Variants in CELF2 observed in about 807,000 individuals in gnomAD.
The protein encoded by CELF2 is CUGBP Elav-like family member 2.
A neutral mutation model predicts 62.6 loss-of-function variants in CELF2; 8 were observed. The observed-to-expected ratio is 0.13, with a 90% CI of 0.07 to 0.23. The LOEUF is 0.23. Ranked by LOEUF, CELF2 falls within the 10% of genes least tolerant of loss-of-function variation. The pLI, the probability that CELF2 is intolerant of heterozygous loss-of-function variation, is 1.00. For missense variants in CELF2, 333 were observed against 671.0 expected (o/e 0.50, Z 5.56); for synonymous variants, 258 against 250.0 (o/e 1.03, Z -0.30).
chr10:10,565,767 G>T, the CELF2 span, among the ~76,000 whole-genome samples: 17 of 152,174 alleles, frequency 1.1e-4, no homozygotes, highest in Non-Finnish European at 1.9e-4. Flanking sequence ...GAGCCTATTT[G>T]TGTGATCATT....
the CELF2 span, among the ~76,000 whole-genome samples, chr10:10,632,534 C>A: frequency 6.6e-6 from 1 of 152,148 alleles, no homozygotes; most frequent in African/African-American, 2.4e-5. Context: ...GCTCTGTCAT[C>A]TGACAATTAG....
intron 1 of CELF2, among the ~76,000 whole-genome samples, chr10:11,094,689 A>G (rs1055135096): frequency 2.6e-5 from 4 of 152,202 alleles, no homozygotes; most frequent in Non-Finnish European, 5.9e-5. Context: ...ACTCTGGGAA[A>G]AAGACTGCCC....
At chr10:10,796,597 C>T (rs769616293), upstream of CELF2, among the ~76,000 whole-genome samples, 36 of 152,162 alleles carry the variant, frequency 2.4e-4, 1 homozygote, top group Admixed American at 7.9e-4. Context: ...TCCCTGGTGC[C>T]GTGGGCTAAG....
chr10:11,037,843 T>G (rs548797603), intron 1 of CELF2, among the ~76,000 whole-genome samples: 67 of 152,240 alleles, frequency 4.4e-4, no homozygotes, highest in Non-Finnish European at 7.2e-4. Context: ...GTCCTATGAT[T>G]TTAAATTTAA....
chr10:10,866,324 T>C (rs1444622354), intron 1 of CELF2, among the ~76,000 whole-genome samples: 2 of 151,244 alleles, frequency 1.3e-5, no homozygotes, highest in Admixed American at 1.3e-4. Context: ...AAGAAATCAC[T>C]TACTGTGCCA....
chr10:11,140,116 G>A (rs2061086689), intron 1 of CELF2, among the ~76,000 whole-genome samples: 1 of 152,030 alleles, frequency 6.6e-6, no homozygotes, highest in Non-Finnish European at 1.5e-5. Context: ...CAGTTAGTCA[G>A]AAGTACCTAA....
chr10:10,582,903 GT>G, the CELF2 span, among the ~76,000 whole-genome samples: 1 of 152,152 alleles, frequency 6.6e-6, no homozygotes, highest in African/African-American at 2.4e-5. Context: ...GGAAGTGATG[GT>G]TTCTTTCTAT....
chr10:10,510,791 C>T, the CELF2 span, among the ~76,000 whole-genome samples: 2 of 152,166 alleles, frequency 1.3e-5, no homozygotes, highest in African/African-American at 2.4e-5. Context: ...ATGACATCCA[C>T]GAAGGTGATC....
chr10:10,885,844 T>C (rs2061716290), intron 1 of CELF2, among the ~76,000 whole-genome samples: 1 of 152,184 alleles, frequency 6.6e-6, no homozygotes, highest in Admixed American at 6.5e-5. Context: ...TGACCTCTGC[T>C]TCCCATCTCC....
chr10:11,020,177 C>T (rs1593263926), intron 1 of CELF2, among the ~76,000 whole-genome samples: 1 of 152,242 alleles, frequency 6.6e-6, no homozygotes, highest in Admixed American at 6.5e-5. Flanking sequence ...GTGACTTCCA[C>T]CTCACTTCTC....
At chr10:11,201,312 AC>A (rs2059160354) in intron 2 of CELF2, among the ~76,000 whole-genome samples, 1 of 152,190 alleles carries the variant, frequency 6.6e-6, no homozygotes, top group African/African-American at 2.4e-5. Context: ...GGACTTTTAA[AC>A]ACAGAACCCT....
At chr10:11,120,467 G>C (rs1050767601) in intron 1 of CELF2, among the ~76,000 whole-genome samples, 1 of 152,162 alleles carries the variant, frequency 6.6e-6, no homozygotes. Context: ...GAGAGCATAA[G>C]ATTTCAAGCT....
chr10:11,067,311 T>C (rs926195662), intron 1 of CELF2, among the ~76,000 whole-genome samples: 3 of 152,244 alleles, frequency 2.0e-5, no homozygotes, highest in African/African-American at 7.2e-5. Context: ...AGCATTCTGA[T>C]AGCCAGTGGA....
chr10:10,503,144 G>A, the CELF2 span, among the ~76,000 whole-genome samples: 37 of 151,954 alleles, frequency 2.4e-4, no homozygotes, highest in African/African-American at 7.7e-4. Flanking sequence ...TTATCCATAG[G>A]ATATTAACCA....
the CELF2 span, among the ~76,000 whole-genome samples, chr10:10,767,997 A>G: frequency 1.2e-5 from 1 of 85,226 alleles, no homozygotes; most frequent in Non-Finnish European, 2.2e-5. Context: ...CTCCGTCTCA[A>G]AAAAAAAAAA....
the CELF2 span, among the ~76,000 whole-genome samples, chr10:10,725,249 A>G: frequency 8.5e-5 from 13 of 152,234 alleles, no homozygotes; most frequent in African/African-American, 3.1e-4. Context: ...ATATAACTAC[A>G]TCAGTAAATG....
chr10:10,466,807 G>A, the CELF2 span, among the ~76,000 whole-genome samples: 1 of 152,046 alleles, frequency 6.6e-6, no homozygotes, highest in Non-Finnish European at 1.5e-5. Context: ...ATTGAATAAT[G>A]TGGGGCATCT....
At chr10:10,605,665 C>T in the CELF2 span, among the ~76,000 whole-genome samples, 1 of 152,182 alleles carries the variant, frequency 6.6e-6, no homozygotes, top group Non-Finnish European at 1.5e-5. Context: ...ATTGTATATG[C>T]ATGCTTAAGC....
chr10:11,078,201 C>A (rs1355165663), intron 1 of CELF2, among the ~76,000 whole-genome samples: 2 of 151,890 alleles, frequency 1.3e-5, no homozygotes, highest in African/African-American at 4.8e-5. Flanking sequence ...AAAAAATGCT[C>A]CTCCAGTTGC....
Sources: gnomAD v4.1 joint callset for allele counts (sites outside exome capture counted in the v4.1 genomes callset) on GRCh38, gnomAD v4.1.1 for gene constraint, MANE v1.5 for transcripts, NCBI Gene and HGNC (gene_info 2026-07-23, HGNC 2026-07-21) for gene names.